The following RASEF variants were observed in gnomAD, a reference collection of about 807,000 sequenced individuals.
RASEF encodes the protein RAS and EF-hand domain containing, also known as ras and EF-hand domain-containing protein.
A neutral mutation model predicts 90.1 loss-of-function variants in RASEF; 68 were observed. The observed-to-expected ratio is 0.75, with a 90% CI of 0.62 to 0.92. The LOEUF is 0.92. Among genes scored for constraint, RASEF ranks in the 40% least tolerant of loss-of-function variants. The pLI is 0.00. For synonymous variants in RASEF, 331 were observed against 345.2 expected (o/e 0.96, Z 0.46); for missense variants, 949 against 937.2 (o/e 1.01, Z -0.16).
Position 83,025,755 on chromosome 9 carries a change from T to C in RASEF, c.578+20A>G, listed in dbSNP as rs549773221. 1.6e-5 allele frequency: 26 copies of C among 1,611,024 alleles called. No homozygotes were observed. Among genetic ancestry groups the C allele is most frequent in the Middle Eastern group, 3.3e-4 (2 of 6,044 alleles). On this transcript the variant is annotated intron_variant, in intron 2 of 16. Coordinates refer to ENST00000376447, the MANE Select transcript of RASEF (RefSeq NM_152573.4). ...AGTTAAAGCACCCACAGGCCACTTA[T>C]AAAGGAAGGACTTCAATACCTCTTC...
intron 1 of RASEF, among the ~76,000 whole-genome samples, chr9:83,041,991 C>T (rs1231747631): frequency 6.6e-6 from 1 of 152,148 alleles, no homozygotes; most frequent in Non-Finnish European, 1.5e-5. Flanking sequence ...ATTGAGTCAT[C>T]ATCTTAACTC....
At position 83,000,996 on chromosome 9, in the gene RASEF, G is replaced by A; in HGVS notation, c.1337C>T (p.Pro446Leu). Residue 446 changes from proline (P) to leucine (L), a missense_variant, in exon 10 of 17, where the codon CCC becomes CTC. By Grantham distance (98) the Pro-to-Leu change is moderately conservative. Coordinates refer to ENST00000376447, the MANE Select transcript of RASEF (RefSeq NM_152573.4). ...FDSGLSTLRD[P>L]NEYDSEVEYK... is the part of the protein sequence containing the mutation. ...TTCCACTTCTGAGTCATACTCATTG[G>A]GATCTCTCAAGGTAGACAAGCCGCT... 6.2e-7 allele frequency: 1 copy of A among 1,614,026 alleles called. No individual in the cohort carries two copies. The highest frequency in any genetic ancestry group is 8.5e-7 in the Non-Finnish European group (1 of 1,179,996).
At chr9:83,026,079 T>C (rs1829542820) in intron 1 of RASEF, among the ~76,000 whole-genome samples, 158 bp from the exon 2 acceptor site, 2 of 152,112 alleles carry the variant, frequency 1.3e-5, no homozygotes, top group South Asian at 4.1e-4. Context: ...AGTCAGGAGA[T>C]ATGGTTGGAT....
chr9:83,055,358 C>T (rs1830083588), intron 1 of RASEF: 2 of 458,686 alleles, frequency 4.4e-6, no homozygotes, highest in South Asian at 4.2e-5. Context: ...AACTCCCTGA[C>T]CCCTTGCGCT....
Position 83,000,188 on chromosome 9 carries a change from T to A in RASEF, c.1704A>T (p.Glu568Asp), listed in dbSNP as rs1829002165. The change falls in exon 12 of 17, where the codon GAA becomes GAT. Residue 568 changes from glutamate to aspartate, a missense_variant. Glu to Asp is a conservative substitution (Grantham distance 45). Coordinates refer to ENST00000376447, the MANE Select transcript of RASEF (RefSeq NM_152573.4). The stretch of plus-strand genomic sequence containing the variant: ...CCATACCCAGGGTGGCGCTTATATT[T>A]TCTCGAAATTCATTCTTGCAAAGTC... ...LMRLCKNEFR[E>D]NISATLGVDF... 2 of 1,613,730 alleles carry A rather than the reference T, an allele frequency of 1.2e-6. No homozygotes were observed. Among genetic ancestry groups the A allele is most frequent in the Non-Finnish European group, 1.7e-6 (2 of 1,179,976 alleles).
chr9:83,024,635 T>C (rs945920260), intron 2 of RASEF, among the ~76,000 whole-genome samples: 14 of 152,202 alleles, frequency 9.2e-5, no homozygotes, highest in Non-Finnish European at 1.3e-4. Flanking sequence ...GAGAGAAAAA[T>C]GGTCAGTCAA....
chr9:82,989,011 C>T (rs958773374), intron 16 of RASEF, among the ~76,000 whole-genome samples: 3 of 152,148 alleles, frequency 2.0e-5, no homozygotes, highest in East Asian at 1.9e-4. Flanking sequence ...GGGAAATGTT[C>T]GAAGACTCTT....
chr9:83,143,479 G>A, the RASEF span, among the ~76,000 whole-genome samples: 5 of 152,062 alleles, frequency 3.3e-5, no homozygotes, highest in Non-Finnish European at 4.4e-5. Flanking sequence ...AAAAATGCTC[G>A]TCATCACTAA....
the RASEF span, among the ~76,000 whole-genome samples, chr9:83,068,231 C>A: frequency 2.0e-5 from 3 of 152,222 alleles, no homozygotes; most frequent in Non-Finnish European, 2.9e-5. Context: ...AATAAATGGA[C>A]CTCAGTTCAC....
At chr9:83,202,749 C>T in the RASEF span, among the ~76,000 whole-genome samples, 4 of 152,098 alleles carry the variant, frequency 2.6e-5, no homozygotes, top group Non-Finnish European at 4.4e-5. Context: ...CCTCCCACCT[C>T]GCAAAGTGCT....
At chr9:83,044,232 A>G (rs1829890773) in intron 1 of RASEF, among the ~76,000 whole-genome samples, 1 of 152,174 alleles carries the variant, frequency 6.6e-6, no homozygotes, top group East Asian at 1.9e-4. Flanking sequence ...AAGGAGTGAG[A>G]AGGAAGGAGA....
intron 1 of RASEF, among the ~76,000 whole-genome samples, chr9:83,049,527 TC>T (rs201121922): frequency 2.6e-4 from 33 of 127,964 alleles, no homozygotes; most frequent in East Asian, 2.3e-3. Context: ...CTTTCTGCCT[TC>T]CTTTTTTTTT....
intron 15 of RASEF, among the ~76,000 whole-genome samples, chr9:82,991,572 GA>G (rs1828815345): frequency 6.6e-6 from 1 of 152,110 alleles, no homozygotes; most frequent in African/African-American, 2.4e-5. Flanking sequence ...AGGAAATGGG[GA>G]AAAATGCCAC....
rs55873985 is a variant in RASEF at position 82,999,984 on chromosome 9, G to GACACAC, written c.1723+179_1723+184dup. 5.1e-3 allele frequency among the ~76,000 whole-genome samples: 721 copies of GACACAC among 141,090 alleles called. 3 individuals carry two copies. The highest frequency in any genetic ancestry group is 7.5e-3 in the East Asian group (36 of 4,800). The allele number at this position is 141,090 out of a possible 152,430, so 92.6% of individuals were successfully genotyped here. A position where few individuals can be genotyped will look rare whatever the true frequency, so the allele number is the denominator to read the frequency against. Reference sequence around the variant, plus strand: ...AGAAAGACCTTTCCATAGACTAGGAGACACACACACACACACACACACACA... The same window carrying GACACAC: ...AGAAAGACCTTTCCATAGACTAGGAGACACACACACACACACACACACACACACACA... On this transcript the variant is annotated intron_variant, in intron 12 of 16. Coordinates refer to ENST00000376447, the MANE Select transcript of RASEF (RefSeq NM_152573.4).
intron 16 of RASEF, among the ~76,000 whole-genome samples, chr9:82,983,163 C>A (rs1017517492): frequency 1.1e-4 from 16 of 146,552 alleles, no homozygotes; most frequent in African/African-American, 3.9e-4. Flanking sequence ...ACACCCTTCT[C>A]CCCTCACTCT....
intron 2 of RASEF, among the ~76,000 whole-genome samples, chr9:83,023,190 A>G (rs1829474286): frequency 6.6e-6 from 1 of 152,202 alleles, no homozygotes; most frequent in Non-Finnish European, 1.5e-5. Context: ...TGTTAAAGTG[A>G]GAAGGGAAAA....
the RASEF span, among the ~76,000 whole-genome samples, chr9:83,215,878 A>G: frequency 1.6e-4 from 24 of 152,190 alleles, no homozygotes; most frequent in Non-Finnish European, 3.2e-4. Context: ...GACTTATTGA[A>G]TGCTTTTGGC....
chr9:83,035,722 GA>G (rs1829729360), intron 1 of RASEF, among the ~76,000 whole-genome samples: 1 of 151,086 alleles, frequency 6.6e-6, no homozygotes, highest in Non-Finnish European at 1.5e-5. Flanking sequence ...ATTTTTCATG[GA>G]AAAAAATATT....
At chr9:83,125,645 A>T in the RASEF span, among the ~76,000 whole-genome samples, 2 of 152,278 alleles carry the variant, frequency 1.3e-5, no homozygotes, top group Middle Eastern at 3.4e-3. Context: ...GGAATAGGTA[A>T]GCAAACATTG....
Sources: gnomAD v4.1 joint callset for allele counts (sites outside exome capture counted in the v4.1 genomes callset) on GRCh38, gnomAD v4.1.1 for gene constraint, MANE v1.5 for transcripts, NCBI Gene and HGNC (gene_info 2026-07-23, HGNC 2026-07-21) for gene names.